The following NDUFB1 variants were observed in gnomAD, a reference collection of about 807,000 sequenced individuals.
The protein encoded by NDUFB1 is NADH dehydrogenase [ubiquinone] 1 beta subcomplex subunit 1.
Under a neutral mutation model 6.7 loss-of-function variants are expected in NDUFB1, and 6 were observed. That is an observed-to-expected ratio of 0.89 (90% confidence interval 0.49 to 1.76). The LOEUF (loss-of-function observed/expected upper bound fraction) is 1.76, where lower values mean the gene tolerates loss of function less well. Among genes scored for constraint, NDUFB1 ranks in the 40% most tolerant of loss-of-function variants. NDUFB1 has a pLI of 0.01. For synonymous variants in NDUFB1, 17 were observed against 22.9 expected (o/e 0.74, Z 0.74); for missense variants, 56 against 71.0 (o/e 0.79, Z 0.76).
At chr14:92,117,438 T>C in intron 2 of NDUFB1, 60 bp downstream of exon 2, 2 of 1,575,090 alleles carry the variant, frequency 1.3e-6, no homozygotes, top group African/African-American at 1.3e-5. Flanking sequence ...TTTTGGCACA[T>C]ATCAAAAAGA....
intron 1 of NDUFB1, chr14:92,121,137 G>C (rs149999144): frequency 2.4e-3 from 397 of 168,262 alleles, no homozygotes; most frequent in Non-Finnish European, 4.1e-3. Context: ...ACTCCAGCCT[G>C]GGTGACAAGA....
intron 1 of NDUFB1, 85 bp from the exon 2 acceptor site, chr14:92,117,727 G>A: frequency 3.8e-6 from 5 of 1,329,672 alleles, no homozygotes; most frequent in South Asian, 1.3e-5. Context: ...GCCAGGTGCG[G>A]TGGTTCATGC....
chr14:92,117,519 T>C lies in NDUFB1; in HGVS notation c.119A>G (p.Asn40Ser). ...TAACCTTTTAAATAACATACTCTTG[T>C]TCCGGAAGGCAGTTAGCCGTTCATC... ...KSDERLTAFR[N>S]KSMLFKRELQ... Residue 40 changes from asparagine to serine, a missense_variant, in exon 2 of 3, where the codon AAC becomes AGC. Asn to Ser is a conservative substitution (Grantham distance 46, BLOSUM62 1). Coordinates refer to ENST00000605997, the MANE Select transcript of NDUFB1 (RefSeq NM_004545.4). 1 of 1,612,964 alleles carries C rather than the reference T, an allele frequency of 6.2e-7. No homozygotes were observed. The highest frequency in any genetic ancestry group is 8.5e-7 in the Non-Finnish European group (1 of 1,180,002).
At position 92,121,703 on chromosome 14, in the gene NDUFB1, C is replaced by T. The variant is rs1182081035; in HGVS notation, c.-67G>A. ...GGGCAACAGGGAACTCAACCCGCGCCAGTGGAAGCTGCGACCTCGGGACCT... is the reference window on the plus strand; with the variant it reads ...GGGCAACAGGGAACTCAACCCGCGCTAGTGGAAGCTGCGACCTCGGGACCT... On this transcript the variant is annotated 5_prime_UTR_variant, in exon 1 of 3. Coordinates refer to ENST00000605997, the MANE Select transcript of NDUFB1 (RefSeq NM_004545.4). 6.2e-7 allele frequency: 1 copy of T among 1,613,770 alleles called. No homozygotes were observed.
At chr14:92,117,437 A>G (rs3814832) in intron 2 of NDUFB1, 61 bp downstream of exon 2, 265,977 of 1,566,974 alleles carry the variant, frequency 0.17, 24,930 homozygotes, top group East Asian at 0.37. Context: ...TTTTTGGCAC[A>G]TATCAAAAAG....
chr14:92,121,091 G>A, intron 1 of NDUFB1: 1 of 155,722 alleles, frequency 6.4e-6, no homozygotes, highest in South Asian at 1.8e-4. Flanking sequence ...GAACCCGGGA[G>A]GCGGAGGTTG....
At chr14:92,119,338 A>G (rs2068737561) in intron 1 of NDUFB1, among the ~76,000 whole-genome samples, 1 of 151,708 alleles carries the variant, frequency 6.6e-6, no homozygotes, top group Non-Finnish European at 1.5e-5. Flanking sequence ...CTACTAGGTT[A>G]CTAGGTACCA....
intron 1 of NDUFB1, among the ~76,000 whole-genome samples, chr14:92,120,927 T>C (rs1017936642): frequency 2.0e-5 from 3 of 151,342 alleles, no homozygotes; most frequent in African/African-American, 7.3e-5. Context: ...TTTGGGATGC[T>C]GAGGCGGGTG....
intron 2 of NDUFB1, among the ~76,000 whole-genome samples, 164 bp downstream of exon 2, chr14:92,117,334 C>T (rs532504434): frequency 4.2e-4 from 64 of 152,308 alleles, no homozygotes; most frequent in Non-Finnish European, 8.8e-5. Context: ...GGTAATCATA[C>T]TGTTTTATCC....
At chr14:92,119,069 T>C (rs191693503) in intron 1 of NDUFB1, 1 of 233,900 alleles carries the variant, frequency 4.3e-6, no homozygotes, top group African/African-American at 2.3e-5. Flanking sequence ...CACAGCACTT[T>C]GGGAGACTAA....
chr14:92,116,330 T>TA, intron 2 of NDUFB1, 101 bp from the exon 3 acceptor site: 166 of 867,746 alleles, frequency 1.9e-4, no homozygotes, highest in Non-Finnish European at 2.7e-4. Context: ...TATTTCATTT[T>TA]CTTTTTTTTT....
intron 2 of NDUFB1, among the ~76,000 whole-genome samples, chr14:92,116,801 C>G (rs2068720788): frequency 6.6e-6 from 1 of 152,160 alleles, no homozygotes; most frequent in Non-Finnish European, 1.5e-5. Context: ...AAGCTATTAT[C>G]TCTGCTCAGT....
intron 1 of NDUFB1, chr14:92,120,349 C>CTTTTTTTTTTTTTT (rs768894951): frequency 7.0e-6 from 1 of 143,186 alleles, no homozygotes. Flanking sequence ...TTTTTCTTTC[C>CTTTTTTTTTTTTTT]TTTTTTTTTT....
intron 1 of NDUFB1, chr14:92,120,356 T>TTTTA (rs1258867317): frequency 6.6e-6 from 1 of 151,806 alleles, no homozygotes; most frequent in Non-Finnish European, 1.5e-5. Flanking sequence ...TTCCTTTTTT[T>TTTTA]TTTTTTATTT....
intron 1 of NDUFB1, chr14:92,118,961 G>GA (rs765073634): frequency 3.2e-5 from 12 of 371,654 alleles, no homozygotes; most frequent in South Asian, 2.3e-4. Flanking sequence ...GGGATACAGC[G>GA]AGTCTCTGTC....
intron 1 of NDUFB1, chr14:92,121,389 G>C (rs7143608): frequency 0.19 from 111,372 of 594,722 alleles, 11,878 homozygotes; most frequent in East Asian, 0.33. Context: ...GGCGGTCACT[G>C]GGTCACATCT....
Position 92,117,616 on chromosome 14 carries a change from C to G in NDUFB1, c.22G>C (p.Val8Leu). The stretch of plus-strand genomic sequence containing the variant: ...AGAACATGAACCCAGTGGTCCCGCA[C>G]AATCTGAAGTAAGTTCACCATGATA... The part of the protein sequence containing the change: MVNLLQI[V>L]RDHWVHVLVP... The change falls in exon 2 of 3, where the codon GTG becomes CTG. Residue 8 changes from valine to leucine, a missense_variant. Val to Leu is a conservative substitution (Grantham distance 32, BLOSUM62 1). Transcript: ENST00000605997. 6.2e-7 allele frequency: 1 copy of G among 1,613,660 alleles called. No individual in the cohort carries two copies. Among genetic ancestry groups the G allele is most frequent in the Non-Finnish European group, 8.5e-7 (1 of 1,179,946 alleles).
intron 2 of NDUFB1, 21 bp from the exon 3 acceptor site, chr14:92,116,250 G>A: frequency 6.2e-7 from 1 of 1,604,690 alleles, no homozygotes; most frequent in Non-Finnish European, 8.5e-7. Context: ...AGCAAAAAAG[G>A]AAGAAATGGA....
In NDUFB1 at chr14:92,116,502, T is replaced by C. The variant is rs72478849; in HGVS notation, c.141-273A>G. On this transcript the variant is annotated intron_variant, in intron 2 of 2. Coordinates refer to ENST00000605997, the MANE Select transcript of NDUFB1 (RefSeq NM_004545.4). The stretch of plus-strand genomic sequence containing the variant: ...CTGTGTGCCACCACACCGAGCTAAT[T>C]TTTTATATTTTTGGTAGAGACGGGG... Among the ~76,000 whole-genome samples the C allele has an allele frequency of 0.013, 2,016 of 151,646 alleles. 74 individuals carry two copies. In the East Asian group the frequency reaches 0.14, roughly 10 times the overall value.
Sources: allele counts gnomAD v4.1 joint callset (sites outside exome capture counted in the v4.1 genomes callset), GRCh38; gene constraint gnomAD v4.1.1; transcripts MANE v1.5; gene names NCBI Gene and HGNC (gene_info 2026-07-23, HGNC 2026-07-21).